The following LHX6 variants were observed in gnomAD, a reference collection of about 807,000 sequenced individuals.
LHX6 encodes LIM homeobox 6, also known as LIM/homeobox protein Lhx6.
A neutral mutation model predicts 47.1 loss-of-function variants in LHX6; 15 were observed. The observed-to-expected ratio is 0.32, with a 90% CI of 0.21 to 0.49. The LOEUF (loss-of-function observed/expected upper bound fraction) is 0.49, where lower values mean the gene tolerates loss of function less well. LHX6 is among the 20% of genes least tolerant of loss of function. The pLI is 0.99. For missense variants in LHX6, 404 were observed against 539.6 expected (o/e 0.75, Z 2.49); for synonymous variants, 242 against 233.5 (o/e 1.04, Z -0.33).
At chr9:122,209,877 G>T (rs955789715) in intron 8 of LHX6, among the ~76,000 whole-genome samples, 160 bp from the exon 9 acceptor site, 1 of 151,840 alleles carries the variant, frequency 6.6e-6, no homozygotes, top group African/African-American at 2.4e-5. Context: ...TGGTTGTGAT[G>T]ATCTTTTTTT....
intron 4 of LHX6, among the ~76,000 whole-genome samples, chr9:122,218,269 C>G (rs932922): frequency 0.27 from 41,074 of 151,906 alleles, 5,923 homozygotes; most frequent in African/African-American, 0.34. Flanking sequence ...AAGTGGATGA[C>G]TCACCTGTGA....
At chr9:122,219,942 C>T (rs1281909455) in intron 4 of LHX6, among the ~76,000 whole-genome samples, 1 of 152,226 alleles carries the variant, frequency 6.6e-6, no homozygotes, top group African/African-American at 2.4e-5. Flanking sequence ...CAAGGGCCCA[C>T]GCTCCTGGAG....
In LHX6 at chr9:122,203,716, C is replaced by T. The variant is rs748197828; in HGVS notation, c.*1044G>A. 6 of 152,578 alleles carry T rather than the reference C, an allele frequency of 3.9e-5. No homozygotes were observed. Among genetic ancestry groups the T allele is most frequent in the Non-Finnish European group, 8.8e-5 (6 of 68,062 alleles). 9.5% of individuals were successfully genotyped at this position (152,578 alleles called of 1,614,324 possible). A position where few individuals can be genotyped will look rare whatever the true frequency, so the allele number is the denominator to read the frequency against. ...GGAATCCTGAGCTTGGCACACTCACCTAGGCAATGGGCACCCTCTCTCTAC... is the reference window on the plus strand; with the variant it reads ...GGAATCCTGAGCTTGGCACACTCACTTAGGCAATGGGCACCCTCTCTCTAC... On this transcript the variant is annotated 3_prime_UTR_variant, in exon 10 of 10. Coordinates refer to ENST00000394319, the MANE Select transcript of LHX6 (RefSeq NM_014368.5).
chr9:122,206,902 G>A (rs184965565), intron 9 of LHX6, among the ~76,000 whole-genome samples: 21 of 152,202 alleles, frequency 1.4e-4, no homozygotes, highest in Admixed American at 2.6e-4. Flanking sequence ...TTGCACATGC[G>A]GTTCTCTTGA....
In LHX6 at chr9:122,214,228, C is replaced by T. The variant is rs1830508088; in HGVS notation, c.783+55G>A. ...GGCGGAGCCAGGAGACATTGTCGGC[C>T]CCGCCCACTTTCGGCCCGGCCCCCG... On this transcript the variant is annotated intron_variant, in intron 6 of 9. Transcript: ENST00000394319. The surrounding 1 kb of genome is among the most constrained non-coding windows in gnomAD (Gnocchi z 4.6). 1 of 1,476,546 alleles carries T rather than the reference C, an allele frequency of 6.8e-7. No homozygotes were observed. The highest frequency in any genetic ancestry group is 9.0e-7 in the Non-Finnish European group (1 of 1,108,528). 91.5% of individuals were successfully genotyped at this position (1,476,546 alleles called of 1,614,324 possible).
chr9:122,204,870 G>T, intron 9 of LHX6, 90 bp from the exon 10 acceptor site: 1 of 840,420 alleles, frequency 1.2e-6, no homozygotes, highest in East Asian at 3.0e-5. Context: ...AGAGAAGAAG[G>T]GTGGACTCAG....
intron 4 of LHX6, among the ~76,000 whole-genome samples, chr9:122,225,879 C>G (rs1831073901): frequency 1.3e-5 from 2 of 152,140 alleles, no homozygotes; most frequent in Non-Finnish European, 1.5e-5. Flanking sequence ...CAGAGCGGAG[C>G]GAGGGTCAGA....
rs749962110 is a variant in LHX6 at position 122,228,650 on chromosome 9, G to A, written c.84+7C>T. The A allele has an allele frequency of 1.2e-5, 16 of 1,306,220 alleles. No individual in the cohort carries two copies. The Admixed American group carries it at 5.7e-4, about 47-fold the overall frequency. 80.9% of individuals were successfully genotyped at this position (1,306,220 alleles called of 1,614,324 possible). ...CGGGCCGCTCACCCAGTCGTTCGCC[G>A]GCTCACCTGGTCGGTGGCGGGGCCG... is the stretch of plus-strand genomic sequence containing the variant. On this transcript the variant is annotated splice_region_variant and intron_variant, in intron 1 of 9. Coordinates refer to ENST00000394319, the MANE Select transcript of LHX6 (RefSeq NM_014368.5).
At chr9:122,222,690 C>T (rs1473193298) in intron 4 of LHX6, among the ~76,000 whole-genome samples, 1 of 152,214 alleles carries the variant, frequency 6.6e-6, no homozygotes, top group Non-Finnish European at 1.5e-5. Context: ...CCCTGAGCCA[C>T]CAGTGCTAGC....
intron 4 of LHX6, among the ~76,000 whole-genome samples, chr9:122,225,376 G>T (rs1159857612): frequency 6.6e-6 from 1 of 152,254 alleles, no homozygotes; most frequent in Non-Finnish European, 1.5e-5. Flanking sequence ...GCCAGTTGAT[G>T]CCTCCCACTG....
chr9:122,209,931 A>G (rs1441331738), intron 8 of LHX6, among the ~76,000 whole-genome samples: 2 of 151,530 alleles, frequency 1.3e-5, no homozygotes, highest in Non-Finnish European at 2.9e-5. Flanking sequence ...GCTGGAGTGC[A>G]GTGGCACGAT....
rs187454914 is a variant in LHX6 at position 122,209,083 on chromosome 9, A to G, written c.1158+531T>C. Among the ~76,000 whole-genome samples, 16 of 152,312 alleles carry G rather than the reference A, an allele frequency of 1.1e-4. No homozygotes were observed. The East Asian group carries it at 3.1e-3, about 29-fold the overall frequency. On this transcript the variant is annotated intron_variant, in intron 9 of 9. Coordinates refer to ENST00000394319, the MANE Select transcript of LHX6 (RefSeq NM_014368.5). ...AACAAAGGGTTGCATTGCTTCAGAA[A>G]TAATACCTTGAAGCCCTGGAATGGG...
intron 4 of LHX6, among the ~76,000 whole-genome samples, chr9:122,224,689 C>G (rs1055378258): frequency 4.6e-5 from 7 of 152,116 alleles, no homozygotes; most frequent in Non-Finnish European, 1.0e-4. Context: ...GTCCTCACCA[C>G]TTTGCGTGCA....
At chr9:122,222,755 GTGGGGGATAGAACCT>G (rs1351080281) in intron 4 of LHX6, among the ~76,000 whole-genome samples, 1 of 152,220 alleles carries the variant, frequency 6.6e-6, no homozygotes, top group Non-Finnish European at 1.5e-5. Flanking sequence ...GAGGGACAAG[GTGGGGGATAGAACCT>G]AGGTGACCCT....
intron 9 of LHX6, among the ~76,000 whole-genome samples, chr9:122,205,379 C>T (rs192171760): frequency 5.3e-4 from 81 of 152,314 alleles, no homozygotes; most frequent in Non-Finnish European, 9.3e-4. Flanking sequence ...CCTAGAAGTG[C>T]GTGGCTCAGA....
chr9:122,209,545 G>GCAT, intron 9 of LHX6, 69 bp downstream of exon 9: 1 of 1,604,756 alleles, frequency 6.2e-7, no homozygotes, highest in Non-Finnish European at 8.5e-7. Context: ...GGTTAACAGA[G>GCAT]GATGCTGCCA....
intron 1 of LHX6, 56 bp downstream of exon 1, chr9:122,228,601 C>G: frequency 7.5e-7 from 1 of 1,324,548 alleles, no homozygotes; most frequent in South Asian, 1.9e-5. Context: ...CCGGCTGGGT[C>G]CCGGACCCTG....
chr9:122,228,573 C>G, intron 1 of LHX6, 84 bp downstream of exon 1: 1 of 1,355,144 alleles, frequency 7.4e-7, no homozygotes, highest in Non-Finnish European at 9.5e-7. Flanking sequence ...CCTGCAACCG[C>G]CCGCCACCCT....
In LHX6 at chr9:122,214,078, CG is replaced by C; in HGVS notation, c.784-10del. 6.3e-7 allele frequency: 1 copy of C among 1,597,482 alleles called. No homozygotes were observed. On this transcript the variant is annotated splice_polypyrimidine_tract_variant and intron_variant, in intron 6 of 9. Coordinates refer to ENST00000394319, the MANE Select transcript of LHX6 (RefSeq NM_014368.5). The surrounding 1 kb of genome is among the most constrained non-coding windows in gnomAD (Gnocchi z 4.6). ...AACTGCGCCTGCATAACCTGCGGGG[CG>C]GGGAGGGCGGTGAGGCGCTCGCACG...
Sources: gnomAD v4.1 joint callset for allele counts (sites outside exome capture counted in the v4.1 genomes callset) on GRCh38, gnomAD v4.1.1 for gene constraint, Gnocchi (gnomAD v3.1) non-coding constraint, MANE v1.5 for transcripts, NCBI Gene and HGNC (gene_info 2026-07-23, HGNC 2026-07-21) for gene names.